The following GALNT3 variants were observed in gnomAD, a reference collection of about 807,000 sequenced individuals.
The protein encoded by GALNT3 is GalNAc transferase 3.
In GALNT3, 51 loss-of-function variants were observed where a neutral mutation model predicts 69.8. That is an observed-to-expected ratio of 0.73 (90% CI 0.58 to 0.92). GALNT3 has a LOEUF of 0.92. GALNT3 is among the 40% of genes least tolerant of loss of function. The pLI is 0.00. For missense variants in GALNT3, 711 were observed against 760.0 expected, an observed-to-expected ratio of 0.94 and a Z score of 0.76; for synonymous variants, 265 against 248.5, an observed-to-expected ratio of 1.07 and a Z score of -0.63.
intron 9 of GALNT3, among the ~76,000 whole-genome samples, chr2:165,750,750 TTTTGATCTTGCA>T (rs1268430841): frequency 6.6e-6 from 1 of 152,204 alleles, no homozygotes; most frequent in Non-Finnish European, 1.5e-5. Flanking sequence ...AAATCTTTCT[TTTTGATCTTGCA>T]TCAATCATTG....
Position 165,761,889 on chromosome 2 carries a change from A to C in GALNT3, c.838+16T>G. On this transcript the variant is annotated intron_variant, in intron 4 of 10. Transcript: ENST00000392701. ...GAGGGAAAATGTTACAACCATATCC[A>C]TACATATATACTTACAGTGAGCATC... 6.2e-7 allele frequency: 1 copy of C among 1,613,618 alleles called. No homozygotes were observed. Among genetic ancestry groups the C allele is most frequent in the Non-Finnish European group, 8.5e-7 (1 of 1,179,550 alleles).
At chr2:165,777,063 C>A (rs1682971069) in intron 1 of GALNT3, among the ~76,000 whole-genome samples, 1 of 152,070 alleles carries the variant, frequency 6.6e-6, no homozygotes, top group South Asian at 2.1e-4. Flanking sequence ...GAAAGCAGAA[C>A]ATTATAATTT....
In GALNT3 at chr2:165,757,235, C is replaced by T; in HGVS notation, c.1204G>A (p.Gly402Ser). ...CAAGGCATAATCTCCAACTGCCCAC[C>T]ACATTGCCATACCTGATAATTAATG... ...IEMSFRVWQC[G>S]GQLEIMPCSV... is the part of the protein sequence containing the mutation. The change falls in exon 7 of 11, where the codon GGT becomes AGT. Residue 402 changes from glycine to serine, a missense_variant. Transcript: ENST00000392701. 6.2e-7 allele frequency: 1 copy of T among 1,613,818 alleles called. No homozygotes were observed. The highest frequency in any genetic ancestry group is 1.7e-5 in the Admixed American group (1 of 60,004).
At chr2:165,772,581 T>A (rs1219585840) in intron 1 of GALNT3, among the ~76,000 whole-genome samples, 2 of 43,538 alleles carry the variant, frequency 4.6e-5, no homozygotes, top group African/African-American at 1.8e-4. Context: ...CAAGACTCTG[T>A]CTCAAAAAAA....
chr2:165,752,606 GTTA>G (rs1434446587), intron 9 of GALNT3, among the ~76,000 whole-genome samples: 12 of 152,160 alleles, frequency 7.9e-5, no homozygotes, highest in African/African-American at 2.2e-4. Context: ...TCATAAAGCT[GTTA>G]TTATCTTTAT....
chr2:165,757,602 C>A (rs888363150), intron 6 of GALNT3, among the ~76,000 whole-genome samples: 1 of 152,202 alleles, frequency 6.6e-6, no homozygotes, highest in Non-Finnish European at 1.5e-5. Context: ...TCTGTCTGAA[C>A]TACTGACATA....
At chr2:165,752,759 C>A (rs1688377253) in intron 9 of GALNT3, among the ~76,000 whole-genome samples, 1 of 152,108 alleles carries the variant, frequency 6.6e-6, no homozygotes. Flanking sequence ...TTAACAAATG[C>A]AGAAATATTT....
chr2:165,767,869 C>CTTTTTTTTTTTT, intron 2 of GALNT3, among the ~76,000 whole-genome samples: 1 of 82,474 alleles, frequency 1.2e-5, no homozygotes, highest in East Asian at 3.3e-4. Flanking sequence ...AAAAACAAAT[C>CTTTTTTTTTTTT]TTTTTTTTTT....
intron 2 of GALNT3, among the ~76,000 whole-genome samples, chr2:165,768,711 G>A (rs1280884914): frequency 6.6e-6 from 1 of 151,494 alleles, no homozygotes; most frequent in African/African-American, 2.4e-5. Context: ...CAAGTTCACT[G>A]CCAAATGTAA....
At chr2:165,786,493 G>T (rs1259046028) in intron 1 of GALNT3, among the ~76,000 whole-genome samples, 1 of 152,098 alleles carries the variant, frequency 6.6e-6, no homozygotes, top group Admixed American at 6.6e-5. Flanking sequence ...TGCAGTACTT[G>T]GATTTAACCT....
chr2:165,783,934 C>T (rs985128381), intron 1 of GALNT3, among the ~76,000 whole-genome samples: 2 of 152,048 alleles, frequency 1.3e-5, no homozygotes, highest in African/African-American at 4.8e-5. Flanking sequence ...TATATATGTG[C>T]CTAATTTGAA....
rs773334262 is a variant in GALNT3 at position 165,755,101 on chromosome 2, A to G, written c.1393-38T>C. 8 of 1,563,832 alleles carry G rather than the reference A, an allele frequency of 5.1e-6. No individual in the cohort carries two copies. The African/African-American group carries it at 1.1e-4, about 21-fold the overall frequency. On this transcript the variant is annotated intron_variant, in intron 7 of 10. Coordinates refer to ENST00000392701, the MANE Select transcript of GALNT3 (RefSeq NM_004482.4). The stretch of plus-strand genomic sequence containing the variant: ...GAGAAATGAAGGGAATGCTTAATTA[A>G]AACAACATTGATAAAGCACTTAAAA...
rs75931918 is a variant in GALNT3 at position 165,759,512 on chromosome 2, C to A, written c.897G>T (p.Thr299=). ...ATGCAATATCTGGACTTACGACAGC[C>A]GTGTAGTTCTCAGCTATTCTGGCCA... ...PLLARIAENY[T]AVVSPDIASI... Residue 299 remains threonine (T), a synonymous_variant, in exon 5 of 11, where the codon ACG becomes ACT. Coordinates refer to ENST00000392701, the MANE Select transcript of GALNT3 (RefSeq NM_004482.4). The A allele has an allele frequency of 3.7e-4, 594 of 1,613,998 alleles. No homozygotes were observed. The African/African-American group carries it at 7.3e-3, about 20-fold the overall frequency.
rs1458859393 is a variant in GALNT3, at chr2:165,783,582, A to T, written c.-109+10433T>A. Among the ~76,000 whole-genome samples the T allele has an allele frequency of 4.6e-5, 7 of 151,698 alleles. No homozygotes were observed. In the East Asian group the frequency reaches 5.8e-4, roughly 13 times the overall value. ...CTTTTTATAAAGGACTAGATAACAA[A>T]TTTTTTTTTGCTTTGCTGGCCATAT... On this transcript the variant is annotated intron_variant, in intron 1 of 10. Transcript: ENST00000392701.
intron 2 of GALNT3, among the ~76,000 whole-genome samples, chr2:165,768,867 C>T (rs1254320848): frequency 1.3e-5 from 2 of 150,208 alleles, no homozygotes; most frequent in East Asian, 2.0e-4. Flanking sequence ...CAGATCTCCG[C>T]TCACTTCAAC....
chr2:165,761,767 A>AT, intron 4 of GALNT3, 138 bp downstream of exon 4: 2 of 913,320 alleles, frequency 2.2e-6, no homozygotes, highest in South Asian at 2.7e-5. Context: ...TTGGGCTGTC[A>AT]TTGCTATAAT....
rs1323411125 is a variant in GALNT3, at chr2:165,770,596, A to G, written c.105T>C (p.Val35=). The G allele has an allele frequency of 1.2e-6, 2 of 1,607,502 alleles. No homozygotes were observed. Among genetic ancestry groups the G allele is most frequent in the Admixed American group, 3.4e-5 (2 of 59,262 alleles). The change falls in exon 2 of 11, where the codon GTT becomes GTC. Residue 35 remains valine (V), a synonymous_variant. Coordinates refer to ENST00000392701, the MANE Select transcript of GALNT3 (RefSeq NM_004482.4). ...GAACACTTACTTCTCTTTGCATTAA[A>G]ACCAAAACTATTATAAAGAAAAAAA... ...AVIFFFIIVL[V]LMQREVSVQY... is the part of the protein sequence containing the mutation.
chr2:165,759,546 T>C lies in GALNT3; in HGVS notation c.863A>G (p.Glu288Gly). 6.2e-7 allele frequency: 1 copy of C among 1,613,750 alleles called. No homozygotes were observed. Among genetic ancestry groups the C allele is most frequent in the Non-Finnish European group, 8.5e-7 (1 of 1,179,898 alleles). The change falls in exon 5 of 11, where the codon GAA (glutamate) becomes GGA (glycine). Residue 288 changes from glutamate (E) to glycine (G), a missense_variant. Transcript: ENST00000392701. ...AHCECFYGWLEPLLARIAENY... is the reference protein window; with the variant it reads ...AHCECFYGWLGPLLARIAENY... ...CTCAGCTATTCTGGCCAACAGAGGT[T>C]CTAGCCAACCATAGAAACACTCACC...
chr2:165,785,020 T>C (rs1350852312), intron 1 of GALNT3, among the ~76,000 whole-genome samples: 1 of 152,162 alleles, frequency 6.6e-6, no homozygotes, highest in Non-Finnish European at 1.5e-5. Context: ...CTCATTTGAC[T>C]CAGAATTATC....
Sources: gnomAD v4.1 joint callset for allele counts (sites outside exome capture counted in the v4.1 genomes callset) on GRCh38, gnomAD v4.1.1 for gene constraint, MANE v1.5 for transcripts, NCBI Gene and HGNC (gene_info 2026-07-23, HGNC 2026-07-21) for gene names.